OPRPN: variants seen among roughly 807,000 people sequenced by gnomAD.
OPRPN encodes basic proline-rich lacrimal protein.
In OPRPN, 1 loss-of-function variant was observed where a neutral mutation model predicts 2.2. That is an observed-to-expected ratio of 0.45 (90% CI 0.16 to 2.15). OPRPN has a LOEUF of 2.15. Ranked by LOEUF, OPRPN falls within the 30% of genes most tolerant of loss-of-function variation. The pLI, the probability that OPRPN is intolerant of heterozygous loss-of-function variation, is 0.28. For missense variants in OPRPN, 306 were observed against 297.3 expected (o/e 1.03, Z -0.21); for synonymous variants, 126 against 111.5 (o/e 1.13, Z -0.82).
chr4:70,403,638 C>G (rs1733027403), intron 2 of OPRPN, among the ~76,000 whole-genome samples: 1 of 152,114 alleles, frequency 6.6e-6, no homozygotes, highest in African/African-American at 2.4e-5. Flanking sequence ...TAAAGAACAT[C>G]ATGTGATAGA....
chr4:70,403,918 C>A (rs1454687454), intron 2 of OPRPN, among the ~76,000 whole-genome samples: 1 of 152,094 alleles, frequency 6.6e-6, no homozygotes, highest in African/African-American at 2.4e-5. Flanking sequence ...TACTCTAAAT[C>A]TAAATATCAG....
chr4:70,403,962 T>G (rs913508287), intron 2 of OPRPN, among the ~76,000 whole-genome samples: 1 of 152,192 alleles, frequency 6.6e-6, no homozygotes, highest in Non-Finnish European at 1.5e-5. Flanking sequence ...TTGTTCCTAC[T>G]AGCACATAAA....
At chr4:70,408,445 T>G (rs1733137927) in intron 2 of OPRPN, among the ~76,000 whole-genome samples, 1 of 152,214 alleles carries the variant, frequency 6.6e-6, no homozygotes, top group South Asian at 2.1e-4. Flanking sequence ...CCTCTCTCTT[T>G]GATAAAAATT....
At position 70,401,079 on chromosome 4, in the gene OPRPN, T is replaced by C. The variant is rs1316858146; in HGVS notation, c.51+1743T>C. On this transcript the variant is annotated intron_variant, in intron 2 of 2. Coordinates refer to ENST00000399575, the MANE Select transcript of OPRPN (RefSeq NM_021225.5). ...TACATAAAGCATCTACCTTGAGGAT[T>C]CATATGAATTAATGGCATATTTTTA... Among the ~76,000 whole-genome samples, 3 of 152,052 alleles carry C rather than the reference T, an allele frequency of 2.0e-5. No homozygotes were observed. The East Asian group carries it at 5.8e-4, about 29-fold the overall frequency.
chr4:70,406,251 C>T (rs1413294653), intron 2 of OPRPN, among the ~76,000 whole-genome samples: 1 of 152,024 alleles, frequency 6.6e-6, no homozygotes, highest in East Asian at 1.9e-4. Context: ...TCGAATTCCT[C>T]ATACCTTTTA....
intron 2 of OPRPN, among the ~76,000 whole-genome samples, chr4:70,402,104 G>T (rs927624706): frequency 1.3e-5 from 2 of 152,084 alleles, no homozygotes; most frequent in Non-Finnish European, 2.9e-5. Flanking sequence ...ACGATAAGCA[G>T]ATATCAAATA....
chr4:70,408,249 C>T (rs768430837), intron 2 of OPRPN, among the ~76,000 whole-genome samples: 28 of 152,190 alleles, frequency 1.8e-4, no homozygotes, highest in Non-Finnish European at 3.7e-4. Context: ...TGATTAGAGT[C>T]TTGCACCTTC....
chr4:70,404,358 G>C (rs1294001040), intron 2 of OPRPN, among the ~76,000 whole-genome samples: 4 of 152,036 alleles, frequency 2.6e-5, no homozygotes, highest in Non-Finnish European at 1.5e-5. Context: ...AAATGTCAGA[G>C]TCTCCCAGGA....
Position 70,409,900 on chromosome 4 carries a change from C to G in OPRPN, c.572C>G (p.Ser191Cys). 6.2e-7 allele frequency: 1 copy of G among 1,614,012 alleles called. No homozygotes were observed. The highest frequency in any genetic ancestry group is 8.5e-7 in the Non-Finnish European group (1 of 1,179,970). The change falls in exon 3 of 3, where the codon TCC becomes TGC. Residue 191 changes from serine (S) to cysteine (C), a missense_variant. Physicochemically the swap from Ser to Cys is moderately radical, Grantham distance 112 (BLOSUM62 -1). Transcript: ENST00000399575. ...PISSTPEPAT[S>C]ISAATPAAST... Reference sequence around the variant, plus strand: ...TCTTCAACACCAGAGCCTGCCACCTCCATATCAGCAGCAACCCCCGCAGCA... The same window carrying G: ...TCTTCAACACCAGAGCCTGCCACCTGCATATCAGCAGCAACCCCCGCAGCA...
At position 70,409,735 on chromosome 4, in the gene OPRPN, C is replaced by G; in HGVS notation, c.407C>G (p.Pro136Arg). Reference sequence around the variant, plus strand: ...CCTTTTTTTCTTGCTATTTACCTTCCTATCTCTAACCCTGAGCCCCAAATA... The same window carrying G: ...CCTTTTTTTCTTGCTATTTACCTTCGTATCTCTAACCCTGAGCCCCAAATA... ...PIPFFLAIYLPISNPEPQINI... is the reference protein window; with the variant it reads ...PIPFFLAIYLRISNPEPQINI... The change falls in exon 3 of 3, where the codon CCT (proline) becomes CGT (arginine). Residue 136 changes from proline to arginine, a missense_variant. Coordinates refer to ENST00000399575, the MANE Select transcript of OPRPN (RefSeq NM_021225.5). 2 of 1,613,488 alleles carry G rather than the reference C, an allele frequency of 1.2e-6. No individual in the cohort carries two copies. Among genetic ancestry groups the G allele is most frequent in the Non-Finnish European group, 1.7e-6 (2 of 1,179,592 alleles).
At chr4:70,408,628 C>T (rs74875472) in intron 2 of OPRPN, among the ~76,000 whole-genome samples, 18,289 of 152,172 alleles carry the variant, frequency 0.12, 1,334 homozygotes, top group Middle Eastern at 0.21. Context: ...TATGTATAAT[C>T]CTATCTACCA....
intron 2 of OPRPN, among the ~76,000 whole-genome samples, chr4:70,406,706 T>G (rs1733096755): frequency 6.6e-6 from 1 of 151,884 alleles, no homozygotes; most frequent in Admixed American, 6.6e-5. Context: ...ATGGCCAGAG[T>G]GAGGATAAAG....
At chr4:70,406,562 G>C (rs1733093101) in intron 2 of OPRPN, among the ~76,000 whole-genome samples, 1 of 152,116 alleles carries the variant, frequency 6.6e-6, no homozygotes, top group African/African-American at 2.4e-5. Flanking sequence ...TAAACATTTT[G>C]AAGGAAGAGC....
At position 70,410,042 on chromosome 4, in the gene OPRPN, T is replaced by C; in HGVS notation, c.714T>C (p.Ser238=). 1.9e-6 allele frequency: 3 copies of C among 1,563,438 alleles called. No homozygotes were observed. Among genetic ancestry groups the C allele is most frequent in the Non-Finnish European group, 2.6e-6 (3 of 1,157,000 alleles). The stretch of plus-strand genomic sequence containing the variant: ...TATTAAGCAGCCCAGCCTTTAAAAG[T>C]TTTTGGCAAAAACTCTTTGCCATTT... ...QTILSSPAFK[S]FWQKLFAIFG is the part of the protein sequence containing the mutation. Residue 238 remains serine (S), a synonymous_variant, in exon 3 of 3, where the codon AGT becomes AGC. Coordinates refer to ENST00000399575, the MANE Select transcript of OPRPN (RefSeq NM_021225.5).
chr4:70,405,313 T>C (rs1733065729), intron 2 of OPRPN, among the ~76,000 whole-genome samples: 1 of 152,086 alleles, frequency 6.6e-6, no homozygotes, highest in South Asian at 2.1e-4. Flanking sequence ...AAGATAAAAA[T>C]AATAAGAATG....
intron 1 of OPRPN, among the ~76,000 whole-genome samples, 190 bp from the exon 2 acceptor site, chr4:70,399,081 C>T (rs1732918464): frequency 6.6e-6 from 1 of 151,560 alleles, no homozygotes. Context: ...AAAAAAATCA[C>T]AAACATGACA....
At chr4:70,405,842 T>C (rs1733077236) in intron 2 of OPRPN, among the ~76,000 whole-genome samples, 1 of 151,954 alleles carries the variant, frequency 6.6e-6, no homozygotes, top group African/African-American at 2.4e-5. Flanking sequence ...GGCAGGTGGA[T>C]TGCTTAAGCT....
intron 2 of OPRPN, among the ~76,000 whole-genome samples, chr4:70,401,379 G>A (rs2332010): frequency 0.13 from 19,193 of 152,004 alleles, 1,950 homozygotes; most frequent in African/African-American, 0.28. Context: ...TTAAGCATTA[G>A]TCTAAATAAA....
intron 2 of OPRPN, among the ~76,000 whole-genome samples, chr4:70,400,481 T>C (rs749614940): frequency 9.2e-5 from 14 of 151,956 alleles, no homozygotes; most frequent in Non-Finnish European, 1.6e-4. Context: ...CTCCATGAGA[T>C]ACCTATATCA....
Sources: allele counts gnomAD v4.1 joint callset (sites outside exome capture counted in the v4.1 genomes callset), GRCh38; gene constraint gnomAD v4.1.1; transcripts MANE v1.5; gene names NCBI Gene and HGNC (gene_info 2026-07-23, HGNC 2026-07-21).